Variants in MMP16 observed in about 807,000 individuals in gnomAD.
MMP16 encodes matrix metallopeptidase 16.
In MMP16, 12 loss-of-function variants were observed where a neutral mutation model predicts 67.8. The observed-to-expected ratio is 0.18, with a 90% CI of 0.11 to 0.29. MMP16 has a LOEUF of 0.29. Ranked by LOEUF, MMP16 falls within the 10% of genes least tolerant of loss-of-function variation. MMP16 has a pLI of 1.00. For synonymous variants in MMP16, 249 were observed against 255.9 expected (o/e 0.97, Z 0.26); for missense variants, 475 against 765.7 (o/e 0.62, Z 4.48).
chr8:88,147,558 T>C (rs533965611), intron 4 of MMP16, among the ~76,000 whole-genome samples: 2 of 152,278 alleles, frequency 1.3e-5, no homozygotes, highest in African/African-American at 4.8e-5. Flanking sequence ...CCTCACTTTT[T>C]ATACTTTTTT....
At position 88,197,332 on chromosome 8, in the gene MMP16, T is replaced by C. The variant is rs541615652; in HGVS notation, c.133-26A>G. 5.3e-6 allele frequency: 8 copies of C among 1,517,584 alleles called. No individual in the cohort carries two copies. The African/African-American group carries it at 1.1e-4, about 21-fold the overall frequency. The allele number at this position is 1,517,584 out of a possible 1,614,324, so 94.0% of individuals were successfully genotyped here. A position where few individuals can be genotyped will look rare whatever the true frequency, so the allele number is the denominator to read the frequency against. ...CTGCAATAACAAGTACAGTTTCTTT[T>C]AGATCAATTTTACAATTTAACAATA... On this transcript the variant is annotated intron_variant, in intron 1 of 9. Transcript: ENST00000286614.
chr8:88,272,867 C>G (rs1810587287), intron 1 of MMP16, among the ~76,000 whole-genome samples: 1 of 152,082 alleles, frequency 6.6e-6, no homozygotes, highest in African/African-American at 2.4e-5. Flanking sequence ...CTTGGAATAT[C>G]TGACCTCAAC....
At chr8:88,156,022 A>G (rs1380005240) in intron 4 of MMP16, among the ~76,000 whole-genome samples, 1 of 152,174 alleles carries the variant, frequency 6.6e-6, no homozygotes, top group Non-Finnish European at 1.5e-5. Context: ...GTTATGAGGA[A>G]TAAATGAGTT....
chr8:88,237,234 A>C (rs1199190112), intron 1 of MMP16, among the ~76,000 whole-genome samples: 1 of 152,184 alleles, frequency 6.6e-6, no homozygotes, highest in African/African-American at 2.4e-5. Context: ...TTTTTGTTCA[A>C]CTACCTTATT....
At chr8:88,294,397 T>C (rs1285954760) in intron 1 of MMP16, among the ~76,000 whole-genome samples, 3 of 150,754 alleles carry the variant, frequency 2.0e-5, no homozygotes, top group African/African-American at 7.4e-5. Context: ...CATATATACA[T>C]ATGTATATAC....
intron 1 of MMP16, among the ~76,000 whole-genome samples, chr8:88,276,734 T>C (rs1334702115): frequency 6.6e-6 from 1 of 152,118 alleles, no homozygotes; most frequent in African/African-American, 2.4e-5. Context: ...TTATCTGTCG[T>C]TGAAGAGAAG....
intron 1 of MMP16, among the ~76,000 whole-genome samples, chr8:88,224,708 A>C (rs2129856355): frequency 6.6e-6 from 1 of 152,154 alleles, no homozygotes; most frequent in Admixed American, 6.6e-5. Flanking sequence ...TTTTATGACA[A>C]GTTTAATGGG....
At chr8:88,046,638 T>G (rs1808202875) in intron 9 of MMP16, 31 bp downstream of exon 9, 1 of 1,422,418 alleles carries the variant, frequency 7.0e-7, no homozygotes, top group African/African-American at 1.4e-5. Context: ...GATAGCAAAC[T>G]TATGAAATGT....
At position 88,056,132 on chromosome 8, in the gene MMP16, C is replaced by T; in HGVS notation, c.1369G>A (p.Asp457Asn). The T allele has an allele frequency of 6.4e-7, 1 of 1,554,152 alleles. No individual in the cohort carries two copies. Among genetic ancestry groups the T allele is most frequent in the Non-Finnish European group, 8.7e-7 (1 of 1,146,264 alleles). The change falls in exon 8 of 10, where the codon GAC (aspartate) becomes AAC (asparagine). Residue 457 changes from aspartate (D) to asparagine (N), a missense_variant. Asp to Asn is a conservative substitution (Grantham distance 23). This residue lies in a region of MMP16 where 195 missense variants were observed against 300.9 expected (regional missense o/e 0.65). Coordinates refer to ENST00000286614, the MANE Select transcript of MMP16 (RefSeq NM_005941.5). ...DVGKTYFFKG[D>N]RYWRYSEEMK... ...TCATGAGAAGTGTATACTGACCTGT[C>T]TCCCTTGAAGAAATAGGTTTTCCCG...
At chr8:88,303,501 C>T (rs1411176879) in intron 1 of MMP16, among the ~76,000 whole-genome samples, 1 of 152,222 alleles carries the variant, frequency 6.6e-6, no homozygotes, top group African/African-American at 2.4e-5. Flanking sequence ...TCCTGTTCCT[C>T]CTGACTGGGC....
chr8:88,116,801 T>A, intron 5 of MMP16, 83 bp from the exon 6 acceptor site: 2 of 1,242,730 alleles, frequency 1.6e-6, no homozygotes, highest in Non-Finnish European at 2.3e-6. Flanking sequence ...CAATCACTTA[T>A]CAGCAGAAGG....
At chr8:88,276,716 G>T (rs913612971) in intron 1 of MMP16, among the ~76,000 whole-genome samples, 1 of 152,080 alleles carries the variant, frequency 6.6e-6, no homozygotes, top group Non-Finnish European at 1.5e-5. Context: ...GTGCTTGGGG[G>T]TTGATAATTA....
intron 7 of MMP16, among the ~76,000 whole-genome samples, chr8:88,067,196 G>T (rs536885057): frequency 6.6e-6 from 1 of 152,204 alleles, no homozygotes; most frequent in South Asian, 2.1e-4. Flanking sequence ...GGGGAAAGTT[G>T]CTGGGGAATG....
At chr8:88,237,488 T>C (rs1809960384) in intron 1 of MMP16, among the ~76,000 whole-genome samples, 1 of 151,852 alleles carries the variant, frequency 6.6e-6, no homozygotes, top group Non-Finnish European at 1.5e-5. Context: ...CTCTACTAAA[T>C]ATACAAAAAA....
intron 1 of MMP16, among the ~76,000 whole-genome samples, chr8:88,310,945 A>T (rs1323873885): frequency 6.6e-6 from 1 of 152,134 alleles, no homozygotes; most frequent in Non-Finnish European, 1.5e-5. Flanking sequence ...AGTTTTATCA[A>T]TTAATAAGGT....
chr8:88,093,180 T>C (rs1030535441), intron 6 of MMP16, among the ~76,000 whole-genome samples: 1 of 151,816 alleles, frequency 6.6e-6, no homozygotes, highest in African/African-American at 2.4e-5. Context: ...CAATATCAAC[T>C]ACATGCTAGC....
intron 4 of MMP16, among the ~76,000 whole-genome samples, chr8:88,154,997 T>G (rs897309255): frequency 6.6e-6 from 1 of 152,142 alleles, no homozygotes; most frequent in African/African-American, 2.4e-5. Context: ...TGCTAAGTCT[T>G]TCCCTAGGTT....
intron 3 of MMP16, among the ~76,000 whole-genome samples, chr8:88,179,862 G>A (rs1328488230): frequency 6.6e-6 from 1 of 151,978 alleles, no homozygotes; most frequent in Admixed American, 6.6e-5. Flanking sequence ...CATATAAAAT[G>A]GTCAACTAAA....
chr8:88,134,722 G>A (rs1461238692), intron 4 of MMP16, among the ~76,000 whole-genome samples: 3 of 151,296 alleles, frequency 2.0e-5, no homozygotes, highest in Non-Finnish European at 3.0e-5. Context: ...TAATACAAAT[G>A]TTCTTTGTAC....
Sources: allele counts gnomAD v4.1 joint callset (sites outside exome capture counted in the v4.1 genomes callset), GRCh38; gene constraint gnomAD v4.1.1; regional missense constraint gnomAD v4.1.1; transcripts MANE v1.5; gene names NCBI Gene and HGNC (gene_info 2026-07-23, HGNC 2026-07-21).